The following ACTR3C variants were observed in gnomAD, a reference collection of about 807,000 sequenced individuals.
ACTR3C encodes actin-related protein 3C.
Under a neutral mutation model 26.3 loss-of-function variants are expected in ACTR3C, and 18 were observed. The ratio of observed to expected loss-of-function variants is 0.68; its 90% CI spans 0.47 to 1.01. The LOEUF (loss-of-function observed/expected upper bound fraction) is 1.01. ACTR3C is among the 50% of genes least tolerant of loss of function. The probability of loss-of-function intolerance (pLI) is 0.00; values close to 1 mark genes in which losing one functional copy is unlikely to be tolerated. For missense variants in ACTR3C, 184 were observed against 250.7 expected (o/e 0.73, Z 1.80); for synonymous variants, 55 against 94.5 (o/e 0.58, Z 2.42).
At chr7:150,285,930 G>A (rs900656291) in intron 5 of ACTR3C, among the ~76,000 whole-genome samples, 1 of 152,124 alleles carries the variant, frequency 6.6e-6, no homozygotes, top group African/African-American at 2.4e-5. Flanking sequence ...GCAGGGAACA[G>A]AGCAGGACCA....
the ACTR3C span, among the ~76,000 whole-genome samples, chr7:150,206,490 C>T: frequency 7.9e-5 from 12 of 152,036 alleles, no homozygotes; most frequent in Admixed American, 2.0e-4. Flanking sequence ...TTTGGCTCAC[C>T]GCAACCTCCA....
At chr7:150,268,121 G>A (rs2129610682) in intron 6 of ACTR3C, among the ~76,000 whole-genome samples, 1 of 151,826 alleles carries the variant, frequency 6.6e-6, no homozygotes, top group South Asian at 2.1e-4. Context: ...ATGCCCTAAA[G>A]AGGGTGTACA....
At chr7:150,049,297 C>G in the ACTR3C span, among the ~76,000 whole-genome samples, 1 of 152,120 alleles carries the variant, frequency 6.6e-6, no homozygotes, top group Non-Finnish European at 1.5e-5. Flanking sequence ...TCTCTCGTCT[C>G]GTCCCCACGT....
At chr7:150,017,180 T>G in the ACTR3C span, among the ~76,000 whole-genome samples, 2 of 151,888 alleles carry the variant, frequency 1.3e-5, no homozygotes, top group East Asian at 3.8e-4. Flanking sequence ...TTGACTTCCC[T>G]TGTACTCCTT....
intron 6 of ACTR3C, among the ~76,000 whole-genome samples, chr7:150,256,128 A>G (rs1421747820): frequency 6.6e-6 from 1 of 152,240 alleles, no homozygotes; most frequent in Non-Finnish European, 1.5e-5. Flanking sequence ...ACAGTGTAGT[A>G]TTCCATGGAG....
At chr7:150,300,322 A>G (rs1359393420) in intron 1 of ACTR3C, among the ~76,000 whole-genome samples, 3 of 152,220 alleles carry the variant, frequency 2.0e-5, no homozygotes, top group Non-Finnish European at 4.4e-5. Flanking sequence ...ACTGCACTCC[A>G]GCCTGGGCTA....
intron 1 of ACTR3C, among the ~76,000 whole-genome samples, chr7:150,310,256 C>T (rs1281321600): frequency 6.6e-6 from 1 of 152,062 alleles, no homozygotes; most frequent in African/African-American, 2.4e-5. Context: ...TATGGGATAC[C>T]TCTACTTGTT....
chr7:150,298,516 G>A (rs1311552474), intron 1 of ACTR3C, among the ~76,000 whole-genome samples: 1 of 146,766 alleles, frequency 6.8e-6, no homozygotes, highest in Non-Finnish European at 1.5e-5. Context: ...CTCTCTCCCT[G>A]AGTCTCCTCA....
At chr7:150,159,429 T>C in the ACTR3C span, among the ~76,000 whole-genome samples, 1 of 152,120 alleles carries the variant, frequency 6.6e-6, no homozygotes, top group Non-Finnish European at 1.5e-5. Context: ...TCAATACTGG[T>C]GTTTGGAAAT....
the ACTR3C span, among the ~76,000 whole-genome samples, chr7:149,928,625 T>C: frequency 7.2e-5 from 11 of 151,762 alleles, no homozygotes; most frequent in Non-Finnish European, 1.3e-4. Context: ...GCAGATCACC[T>C]GAGGTTAGGA....
chr7:150,046,356 C>CGA, the ACTR3C span, among the ~76,000 whole-genome samples: 1 of 80,306 alleles, frequency 1.2e-5, no homozygotes, highest in African/African-American at 3.8e-5. Flanking sequence ...CGCCCCCCCC[C>CGA]CCCCGACCCA....
chr7:150,240,007 A>G (rs1832094030), downstream of ACTR3C, among the ~76,000 whole-genome samples: 1 of 152,178 alleles, frequency 6.6e-6, no homozygotes, highest in South Asian at 2.1e-4. Context: ...CACCCACCTC[A>G]GCCTCCCAAA....
At chr7:150,112,185 A>C in the ACTR3C span, among the ~76,000 whole-genome samples, 2 of 151,234 alleles carry the variant, frequency 1.3e-5, no homozygotes, top group African/African-American at 4.9e-5. Flanking sequence ...CCCCGCTCTG[A>C]GCTTCCTCAG....
the ACTR3C span, among the ~76,000 whole-genome samples, chr7:150,138,674 C>T: frequency 6.6e-6 from 1 of 152,278 alleles, no homozygotes; most frequent in Non-Finnish European, 1.5e-5. Context: ...GCAGTGTAGT[C>T]TGTGCTCCCA....
At chr7:149,911,604 C>A in the ACTR3C span, among the ~76,000 whole-genome samples, 1 of 151,482 alleles carries the variant, frequency 6.6e-6, no homozygotes, top group Non-Finnish European at 1.5e-5. Context: ...AAAAAAAAAT[C>A]ACAGACATCA....
the ACTR3C span, among the ~76,000 whole-genome samples, chr7:150,070,694 G>T: frequency 1.8e-4 from 27 of 152,156 alleles, no homozygotes; most frequent in Admixed American, 3.9e-4. Context: ...CAAGTGATCT[G>T]CCCCCCTCAG....
At chr7:150,248,681 G>GAAAAAAAAAAAAAAA (rs1832624207) in intron 7 of ACTR3C, 1 of 210,316 alleles carries the variant, frequency 4.8e-6, no homozygotes, top group African/African-American at 2.8e-5. Context: ...AAGTAAATAG[G>GAAAAAAAAAAAAAAA]ATTCACAATC....
chr7:150,260,442 C>CT (rs1344228172), intron 6 of ACTR3C, among the ~76,000 whole-genome samples: 1 of 152,076 alleles, frequency 6.6e-6, no homozygotes, highest in Non-Finnish European at 1.5e-5. Flanking sequence ...ACCTTCATAT[C>CT]TTTTTTTGTT....
At chr7:150,116,903 G>C in the ACTR3C span, among the ~76,000 whole-genome samples, 1 of 151,604 alleles carries the variant, frequency 6.6e-6, no homozygotes, top group Non-Finnish European at 1.5e-5. Context: ...CACTGGGACT[G>C]GTTAGACAGT....
Sources: gnomAD v4.1 joint callset for allele counts (sites outside exome capture counted in the v4.1 genomes callset) on GRCh38, gnomAD v4.1.1 for gene constraint, MANE v1.5 for transcripts, NCBI Gene and HGNC (gene_info 2026-07-23, HGNC 2026-07-21) for gene names.